ANAPC1: variants seen among roughly 807,000 people sequenced by gnomAD.
ANAPC1 encodes the protein anaphase promoting complex subunit 1.
Under a neutral mutation model 208.0 loss-of-function variants are expected in ANAPC1, and 36 were observed. The observed-to-expected ratio is 0.17, with a 90% CI of 0.13 to 0.23. The LOEUF is 0.23. Among genes scored for constraint, ANAPC1 ranks in the 10% least tolerant of loss-of-function variants. ANAPC1 has a pLI of 1.00. For synonymous variants in ANAPC1, 378 were observed against 695.2 expected (o/e 0.54, Z 7.18); for missense variants, 942 against 2,011.6 (o/e 0.47, Z 10.17).
chr2:111,838,422 AAAT>A lies in ANAPC1; in HGVS notation c.2115+13_2115+15del. On this transcript the variant is annotated intron_variant, in intron 18 of 47. Coordinates refer to ENST00000341068, the MANE Select transcript of ANAPC1 (RefSeq NM_022662.4). Reference sequence around the variant, plus strand: ...CCATAAATTAATTTATATTAGCAAGAAATAATAATGCTTACATCATCAGATCCA... The same window carrying A: ...CCATAAATTAATTTATATTAGCAAGAAATAATGCTTACATCATCAGATCCA... 6.3e-7 allele frequency: 1 copy of A among 1,579,804 alleles called. No homozygotes were observed. Among genetic ancestry groups the A allele is most frequent in the Non-Finnish European group, 8.6e-7 (1 of 1,168,384 alleles).
chr2:111,881,928 T>C (rs1683318723), intron 1 of ANAPC1, among the ~76,000 whole-genome samples: 2 of 152,274 alleles, frequency 1.3e-5, no homozygotes, highest in Non-Finnish European at 2.9e-5. Context: ...CTCACGCCTA[T>C]AATCCCAGCA....
At chr2:111,876,558 G>T (rs1683035697) in intron 3 of ANAPC1, among the ~76,000 whole-genome samples, 1 of 151,960 alleles carries the variant, frequency 6.6e-6, no homozygotes, top group African/African-American at 2.4e-5. Context: ...TAGAAGCAAA[G>T]AACTACTTGG....
rs1002678963 is a variant in ANAPC1, at chr2:111,782,311, C to A, written c.5202+58G>T. On this transcript the variant is annotated intron_variant, in intron 43 of 47. Coordinates refer to ENST00000341068, the MANE Select transcript of ANAPC1 (RefSeq NM_022662.4). ...CACCTTTGAAGTTTATAGCAATGGGCGAGGAAGCCGGCAATTTAGAATTAT... is the reference window on the plus strand; with the variant it reads ...CACCTTTGAAGTTTATAGCAATGGGAGAGGAAGCCGGCAATTTAGAATTAT... 4.4e-6 allele frequency: 7 copies of A among 1,608,346 alleles called. No individual in the cohort carries two copies. In the South Asian group the frequency reaches 7.7e-5, roughly 18 times the overall value.
rs183759578 is a variant in ANAPC1 at position 111,826,122 on chromosome 2, G to A, written c.2626-267C>T. Among the ~76,000 whole-genome samples the A allele has an allele frequency of 1.8e-3, 267 of 152,134 alleles. 3 individuals are homozygous for A. The highest frequency in any genetic ancestry group is 2.5e-3 in the Non-Finnish European group (167 of 67,994). The stretch of plus-strand genomic sequence containing the variant: ...AGGCTGGGCTCAAACTCATGACCTC[G>A]AGCAATCCTTCTGCCTCAGCCTCCC... On this transcript the variant is annotated intron_variant, in intron 21 of 47. Transcript: ENST00000341068.
At chr2:111,779,063 G>A (rs1208370810) in intron 44 of ANAPC1, 3 of 213,318 alleles carry the variant, frequency 1.4e-5, no homozygotes, top group African/African-American at 2.3e-5. Context: ...GGGTTGGGCT[G>A]GGAAGAGTAG....
chr2:111,868,722 G>A (rs1217483915), intron 6 of ANAPC1, among the ~76,000 whole-genome samples: 3 of 152,040 alleles, frequency 2.0e-5, no homozygotes, highest in Non-Finnish European at 4.4e-5. Context: ...TAGTAGAGAC[G>A]GGGTTTCACC....
At chr2:111,846,549 A>G (rs1359320370) in intron 16 of ANAPC1, among the ~76,000 whole-genome samples, 6 of 46,948 alleles carry the variant, frequency 1.3e-4, no homozygotes, top group African/African-American at 5.5e-4. Flanking sequence ...ATATATATAT[A>G]TATATATATA....
chr2:111,854,490 A>G (rs1681591681), intron 13 of ANAPC1, among the ~76,000 whole-genome samples: 1 of 152,214 alleles, frequency 6.6e-6, no homozygotes, highest in Non-Finnish European at 1.5e-5. Context: ...GAAGCCAGGC[A>G]CTGACTTCTC....
chr2:111,774,738 A>T (rs1319833215), intron 46 of ANAPC1, among the ~76,000 whole-genome samples: 1 of 63,082 alleles, frequency 1.6e-5, no homozygotes, highest in Non-Finnish European at 3.2e-5. Flanking sequence ...AAAATGGCAC[A>T]ATTTGGAAAA....
Position 111,833,197 on chromosome 2 carries a change from T to C in ANAPC1, c.2476+23A>G, listed in dbSNP as rs761538565. Reference sequence around the variant, plus strand: ...AAATATCACTACACTGTTTAGAAAATATTTAAAAGCACGACTACTTACCTG... The same window carrying C: ...AAATATCACTACACTGTTTAGAAAACATTTAAAAGCACGACTACTTACCTG... On this transcript the variant is annotated intron_variant, in intron 20 of 47. Coordinates refer to ENST00000341068, the MANE Select transcript of ANAPC1 (RefSeq NM_022662.4). 10 of 1,567,112 alleles carry C rather than the reference T, an allele frequency of 6.4e-6. No homozygotes were observed. In the East Asian group the frequency reaches 2.3e-4, roughly 36 times the overall value.
intron 37 of ANAPC1, among the ~76,000 whole-genome samples, 184 bp from the exon 38 acceptor site, chr2:111,792,739 T>C (rs1340911778): frequency 7.2e-5 from 11 of 151,850 alleles, no homozygotes; most frequent in Admixed American, 6.6e-4. Flanking sequence ...GATCACGAGG[T>C]CAGGAGATCG....
intron 10 of ANAPC1, among the ~76,000 whole-genome samples, 176 bp from the exon 11 acceptor site, chr2:111,858,577 G>A (rs966034464): frequency 2.6e-5 from 4 of 151,918 alleles, no homozygotes; most frequent in South Asian, 2.1e-4. Flanking sequence ...TGGCTAACAC[G>A]GTGAAATCCC....
rs373931994 is a variant in ANAPC1, at chr2:111,856,696, G to C, written c.1450-17C>G. On this transcript the variant is annotated splice_polypyrimidine_tract_variant and intron_variant, in intron 12 of 47. Coordinates refer to ENST00000341068, the MANE Select transcript of ANAPC1 (RefSeq NM_022662.4). ...GTCTATTTTCTAAAAAAACAAAAAA[G>C]ACAAAAAATTTATTTCCCAATCTGA... The C allele has an allele frequency of 7.4e-6, 12 of 1,613,540 alleles. No individual in the cohort carries two copies. Among genetic ancestry groups the C allele is most frequent in the Non-Finnish European group, 1.0e-5 (12 of 1,179,774 alleles).
At chr2:111,879,290 T>C (rs909037898) in intron 2 of ANAPC1, among the ~76,000 whole-genome samples, 17 of 152,188 alleles carry the variant, frequency 1.1e-4, no homozygotes, top group African/African-American at 4.1e-4. Flanking sequence ...TAAAAGGACA[T>C]ATTAAGTATA....
At chr2:111,775,341 G>A (rs1676950036) in intron 46 of ANAPC1, among the ~76,000 whole-genome samples, 3 of 152,114 alleles carry the variant, frequency 2.0e-5, no homozygotes, top group African/African-American at 4.8e-5. Context: ...TGATTTAATG[G>A]GTTATCTCAG....
intron 11 of ANAPC1, 131 bp downstream of exon 11, chr2:111,858,175 A>G: frequency 1.6e-6 from 1 of 634,664 alleles, no homozygotes; most frequent in Non-Finnish European, 2.6e-6. Context: ...CAGTAAAAAC[A>G]TGTTAATTTT....
intron 13 of ANAPC1, among the ~76,000 whole-genome samples, chr2:111,852,819 T>G (rs1480228963): frequency 2.0e-5 from 3 of 151,756 alleles, no homozygotes; most frequent in African/African-American, 7.3e-5. Context: ...TTGTCTGAAC[T>G]CCTACATAAA....
chr2:111,796,097 G>A (rs953212243), intron 34 of ANAPC1, among the ~76,000 whole-genome samples: 9 of 150,674 alleles, frequency 6.0e-5, no homozygotes, highest in Non-Finnish European at 8.9e-5. Flanking sequence ...AAATTAGCTG[G>A]GCCTGTAATC....
At chr2:111,853,080 T>C (rs1356326253) in intron 13 of ANAPC1, among the ~76,000 whole-genome samples, 1 of 152,186 alleles carries the variant, frequency 6.6e-6, no homozygotes, top group Non-Finnish European at 1.5e-5. Flanking sequence ...TATAAAATAC[T>C]CAAGGGTGCC....
Sources: gnomAD v4.1 joint callset for allele counts (sites outside exome capture counted in the v4.1 genomes callset) on GRCh38, gnomAD v4.1.1 for gene constraint, MANE v1.5 for transcripts, NCBI Gene and HGNC (gene_info 2026-07-23, HGNC 2026-07-21) for gene names.